Variants in NTM observed in about 807,000 individuals in gnomAD.
NTM encodes the protein neurotrimin.
NTM carries 13 observed loss-of-function variants against 42.1 expected under a neutral mutation model. The ratio of observed to expected loss-of-function variants is 0.31; its 90% CI spans 0.20 to 0.49. NTM has a LOEUF of 0.49. Ranked by LOEUF, NTM falls within the 20% of genes least tolerant of loss-of-function variation. The pLI is 0.99. For missense variants in NTM, 373 were observed against 452.8 expected, an observed-to-expected ratio of 0.82 and a Z score of 1.60; for synonymous variants, 187 against 179.2, an observed-to-expected ratio of 1.04 and a Z score of -0.35.
chr11:131,907,417 C>T (rs1184348285), intron 1 of NTM, among the ~76,000 whole-genome samples: 1 of 152,204 alleles, frequency 6.6e-6, no homozygotes, highest in African/African-American at 2.4e-5. Flanking sequence ...GCAGGCTCTT[C>T]TCTCCTCCCT....
intron 1 of NTM, among the ~76,000 whole-genome samples, chr11:131,461,850 A>T (rs183118962): frequency 1.5e-4 from 23 of 152,336 alleles, no homozygotes; most frequent in African/African-American, 5.5e-4. Flanking sequence ...AATAAAGCTG[A>T]AAAAAGAGAG....
At chr11:132,328,360 A>C (rs2095728763) in intron 7 of NTM, among the ~76,000 whole-genome samples, 1 of 152,208 alleles carries the variant, frequency 6.6e-6, no homozygotes, top group Non-Finnish European at 1.5e-5. Flanking sequence ...AAGGATGAGC[A>C]TCACATTTTC....
intron 1 of NTM, among the ~76,000 whole-genome samples, chr11:131,761,215 A>G (rs1459930632): frequency 6.6e-6 from 1 of 152,192 alleles, no homozygotes; most frequent in Non-Finnish European, 1.5e-5. Context: ...CTGTGTGAAC[A>G]CATCCTATTC....
chr11:132,153,770 G>A (rs1017830850), intron 3 of NTM, among the ~76,000 whole-genome samples: 3 of 152,188 alleles, frequency 2.0e-5, no homozygotes, highest in Admixed American at 1.3e-4. Context: ...AGGTCCTGGG[G>A]ACACAAAGAT....
rs968930437 is a variant in NTM at position 131,849,649 on chromosome 11, C to T, written c.83-61915C>T. Among the ~76,000 whole-genome samples the T allele has an allele frequency of 2.0e-5, 3 of 152,040 alleles. No homozygotes were observed. The South Asian group carries it at 6.3e-4, about 32-fold the overall frequency. On this transcript the variant is annotated intron_variant, in intron 1 of 8. Coordinates refer to ENST00000683400, the MANE Select transcript of NTM (RefSeq NM_001352005.2). The stretch of plus-strand genomic sequence containing the variant: ...AAATATCCCAACTATATCAAGAACT[C>T]TGGAATCTTTTGAGGACATTGACCC...
intron 1 of NTM, among the ~76,000 whole-genome samples, chr11:131,460,563 T>A (rs1194860909): frequency 1.3e-5 from 2 of 152,184 alleles, no homozygotes; most frequent in East Asian, 3.9e-4. Flanking sequence ...TTTCTTTTTT[T>A]TCCTTCTGAG....
At chr11:132,232,569 C>T (rs2087836374) in intron 4 of NTM, among the ~76,000 whole-genome samples, 1 of 152,226 alleles carries the variant, frequency 6.6e-6, no homozygotes, top group Non-Finnish European at 1.5e-5. Context: ...CCTCTTTGCT[C>T]TGCCAGTTAC....
intron 4 of NTM, among the ~76,000 whole-genome samples, chr11:132,225,933 G>C (rs766549293): frequency 6.6e-6 from 1 of 151,866 alleles, no homozygotes; most frequent in African/African-American, 2.4e-5. Flanking sequence ...TCATTGTTCA[G>C]CTCCCACTTA....
At chr11:131,490,094 T>G (rs1364297969) in intron 1 of NTM, among the ~76,000 whole-genome samples, 2 of 152,038 alleles carry the variant, frequency 1.3e-5, no homozygotes, top group Non-Finnish European at 2.9e-5. Flanking sequence ...TAACAACAAG[T>G]TCTCACAGAA....
At position 131,736,355 on chromosome 11, in the gene NTM, G is replaced by T. The variant is rs181346620; in HGVS notation, c.83-175209G>T. Among the ~76,000 whole-genome samples the T allele has an allele frequency of 2.0e-5, 3 of 152,102 alleles. No homozygotes were observed. The South Asian group carries it at 6.2e-4, about 32-fold the overall frequency. ...TCCCTGCCTTCCAGTAACCCTCCAG[G>T]CTTCTTCTACTGCTGGGGAAAATGT... On this transcript the variant is annotated intron_variant, in intron 1 of 8. Transcript: ENST00000683400.
At chr11:131,837,773 G>C (rs552648908) in intron 1 of NTM, among the ~76,000 whole-genome samples, 1 of 152,170 alleles carries the variant, frequency 6.6e-6, no homozygotes, top group East Asian at 1.9e-4. Flanking sequence ...CAGGCCCCAC[G>C]CTGGGGGAGC....
In NTM at chr11:131,950,313, T is replaced by A. The variant is rs140336854; in HGVS notation, c.167+38665T>A. Reference sequence around the variant, plus strand: ...CCACTGCACACAGGTCTTTGCAGACTAATAACACGTGGATTCCCTTGCCTG... The same window carrying A: ...CCACTGCACACAGGTCTTTGCAGACAAATAACACGTGGATTCCCTTGCCTG... On this transcript the variant is annotated intron_variant, in intron 2 of 8. Coordinates refer to ENST00000683400, the MANE Select transcript of NTM (RefSeq NM_001352005.2). Among the ~76,000 whole-genome samples the A allele has an allele frequency of 8.8e-3, 1,343 of 152,344 alleles. 13 individuals carry two copies. The highest frequency in any genetic ancestry group is 0.013 in the Non-Finnish European group (890 of 68,034).
intron 3 of NTM, among the ~76,000 whole-genome samples, chr11:132,157,880 G>A (rs375853063): frequency 5.9e-5 from 9 of 151,966 alleles, no homozygotes; most frequent in African/African-American, 1.2e-4. Flanking sequence ...TCCTTTTCCC[G>A]TCCTCTTCCT....
intron 1 of NTM, among the ~76,000 whole-genome samples, chr11:131,419,108 G>A (rs1429322236): frequency 1.3e-5 from 2 of 152,050 alleles, no homozygotes; most frequent in African/African-American, 2.4e-5. Flanking sequence ...TCAAAAAAAT[G>A]GCTCAGCCTA....
chr11:131,713,385 C>G (rs2077372864), intron 1 of NTM, among the ~76,000 whole-genome samples: 1 of 152,158 alleles, frequency 6.6e-6, no homozygotes, highest in African/African-American at 2.4e-5. Context: ...CATGGTCCAG[C>G]CTAGTCTGTC....
At chr11:132,197,401 A>G (rs2080413735) in intron 3 of NTM, among the ~76,000 whole-genome samples, 4 of 151,984 alleles carry the variant, frequency 2.6e-5, no homozygotes, top group Admixed American at 2.6e-4. Flanking sequence ...ATCTTTTAAC[A>G]TGTCCTGAGT....
At chr11:131,861,478 T>C (rs1000488183) in intron 1 of NTM, among the ~76,000 whole-genome samples, 3 of 152,200 alleles carry the variant, frequency 2.0e-5, no homozygotes, top group African/African-American at 7.2e-5. Flanking sequence ...ATGTCCTCTA[T>C]CTAGCTTTTC....
chr11:132,091,032 T>C (rs2060315543), intron 2 of NTM, among the ~76,000 whole-genome samples: 1 of 152,204 alleles, frequency 6.6e-6, no homozygotes, highest in South Asian at 2.1e-4. Context: ...GTGTCTTTCT[T>C]ACTCAAGAGG....
chr11:131,839,777 T>A (rs2043989708), intron 1 of NTM, among the ~76,000 whole-genome samples: 1 of 152,200 alleles, frequency 6.6e-6, no homozygotes, highest in Admixed American at 6.5e-5. Flanking sequence ...GAAAACAGTA[T>A]GGAAACTGTT....
Sources: gnomAD v4.1 joint callset for allele counts (sites outside exome capture counted in the v4.1 genomes callset) on GRCh38, gnomAD v4.1.1 for gene constraint, MANE v1.5 for transcripts, NCBI Gene and HGNC (gene_info 2026-07-23, HGNC 2026-07-21) for gene names.